Variants in ABCB5 observed in about 807,000 individuals in gnomAD.
ABCB5 encodes ATP binding cassette subfamily B member 5.
In ABCB5, 155 loss-of-function variants were observed where a neutral mutation model predicts 144.2. That is an observed-to-expected ratio of 1.08 (90% CI 0.94 to 1.23). The LOEUF (loss-of-function observed/expected upper bound fraction) is 1.23, where lower values mean the gene tolerates loss of function less well. Ranked by LOEUF, ABCB5 falls within the 50% of genes most tolerant of loss-of-function variation. ABCB5 has a pLI of 0.00. For missense variants in ABCB5, 1,830 were observed against 1,520.8 expected (o/e 1.20, Z -3.38); for synonymous variants, 610 against 528.6 (o/e 1.15, Z -2.11).
chr7:20,755,318 C>G (rs532973152), intron 27 of ABCB5, 109 bp from the exon 28 acceptor site: 1 of 902,810 alleles, frequency 1.1e-6, no homozygotes, highest in East Asian at 2.6e-5. Flanking sequence ...CCTTTGGGGA[C>G]AAGCAAATAA....
intron 13 of ABCB5, among the ~76,000 whole-genome samples, chr7:20,653,376 A>C (rs921986984): frequency 2.6e-5 from 4 of 152,230 alleles, no homozygotes; most frequent in Non-Finnish European, 5.9e-5. Context: ...AGAAGTGGCT[A>C]ATTTAGGTAG....
intron 3 of ABCB5, 37 bp downstream of exon 3, chr7:20,626,648 G>T (rs779604830): frequency 6.4e-7 from 1 of 1,553,488 alleles, no homozygotes; most frequent in Non-Finnish European, 8.8e-7. Flanking sequence ...TGCATTAGAA[G>T]ATTTTAGAGA....
At chr7:20,636,547 G>C (rs943396924) in intron 5 of ABCB5, among the ~76,000 whole-genome samples, 2 of 151,864 alleles carry the variant, frequency 1.3e-5, no homozygotes, top group African/African-American at 4.8e-5. Context: ...CATTTTAGGA[G>C]GCTGAGGCAG....
intron 1 of ABCB5, among the ~76,000 whole-genome samples, chr7:20,619,857 G>A (rs1459114233): frequency 1.3e-5 from 2 of 152,136 alleles, no homozygotes; most frequent in Non-Finnish European, 2.9e-5. Context: ...TTTTATCTAT[G>A]GTGAAATGTA....
chr7:20,695,071 T>C (rs1042449407), intron 16 of ABCB5, among the ~76,000 whole-genome samples: 2 of 151,988 alleles, frequency 1.3e-5, no homozygotes, highest in African/African-American at 4.8e-5. Flanking sequence ...ATAGTCAAAA[T>C]AAATTTTTTT....
chr7:20,720,932 A>G (rs1332168009), intron 20 of ABCB5, among the ~76,000 whole-genome samples: 7 of 136,740 alleles, frequency 5.1e-5, no homozygotes, highest in Non-Finnish European at 9.3e-5. Flanking sequence ...CGACAGAGCG[A>G]AACTCTGCCT....
chr7:20,721,912 AT>A (rs1781880746), intron 20 of ABCB5, among the ~76,000 whole-genome samples: 1 of 152,220 alleles, frequency 6.6e-6, no homozygotes, highest in Non-Finnish European at 1.5e-5. Context: ...TTCTAAAAGA[AT>A]TTATATGCAT....
intron 20 of ABCB5, among the ~76,000 whole-genome samples, chr7:20,722,473 T>C (rs80264192): frequency 0.018 from 2,740 of 152,320 alleles, 95 homozygotes; most frequent in African/African-American, 0.062. Context: ...CATGCTTCTA[T>C]ACAGTCTTCT....
In ABCB5 at chr7:20,643,277, C is replaced by T. The variant is rs374303845; in HGVS notation, c.408C>T (p.Thr136=). 357 of 1,613,832 alleles carry T rather than the reference C, an allele frequency of 2.2e-4. No individual in the cohort carries two copies. The highest frequency in any genetic ancestry group is 2.9e-4 in the Non-Finnish European group (341 of 1,179,836). ...GGATTATAACTGCAGCACGACAGACCAAGAGGATTCGAAAACAGTTTTTTC... is the reference window on the plus strand; with the variant it reads ...GGATTATAACTGCAGCACGACAGACTAAGAGGATTCGAAAACAGTTTTTTC... ...SLWIITAARQ[T]KRIRKQFFHS... is the part of the protein sequence containing the mutation. The change falls in exon 6 of 28, where the codon ACC becomes ACT. Residue 136 remains threonine (T), a synonymous_variant. Transcript: ENST00000404938.
At chr7:20,667,775 A>G (rs1195512735) in intron 14 of ABCB5, among the ~76,000 whole-genome samples, 2 of 136,468 alleles carry the variant, frequency 1.5e-5, no homozygotes, top group African/African-American at 5.4e-5. Flanking sequence ...ATGCCGAGCC[A>G]AACCTGGACT....
chr7:20,663,912 C>T (rs1034942037), intron 14 of ABCB5, among the ~76,000 whole-genome samples: 1 of 151,926 alleles, frequency 6.6e-6, no homozygotes, highest in African/African-American at 2.4e-5. Context: ...AATGGGGTTT[C>T]ACCATGTTGG....
chr7:20,747,482 T>C (rs541946355), intron 26 of ABCB5, among the ~76,000 whole-genome samples: 12 of 152,306 alleles, frequency 7.9e-5, no homozygotes, highest in African/African-American at 2.9e-4. Flanking sequence ...GGACTCAAGC[T>C]CCTGGGCTCA....
intron 14 of ABCB5, among the ~76,000 whole-genome samples, chr7:20,668,616 G>A (rs528116326): frequency 5.2e-4 from 75 of 143,106 alleles, no homozygotes; most frequent in Non-Finnish European, 9.7e-4. Flanking sequence ...CCCCCCGCCC[G>A]GCCAGCCGCC....
At position 20,628,702 on chromosome 7, in the gene ABCB5, T is replaced by C. The variant is rs766824894; in HGVS notation, c.123T>C (p.Asp41=). ...VGSIEIFRFA[D]GLDITLMILG... The stretch of plus-strand genomic sequence containing the variant: ...GTTTTCCTCAGTTCCGCTTTGCTGA[T>C]GGACTGGACATCACACTCATGATCC... The change falls in exon 4 of 28, where the codon GAT becomes GAC. Residue 41 remains aspartate, a synonymous_variant. Coordinates refer to ENST00000404938, the MANE Select transcript of ABCB5 (RefSeq NM_001163941.2). The C allele has an allele frequency of 1.2e-6, 2 of 1,613,174 alleles. No homozygotes were observed. The highest frequency in any genetic ancestry group is 8.5e-7 in the Non-Finnish European group (1 of 1,179,538).
rs574013272 is a variant in ABCB5, at chr7:20,756,399, T to C, written c.*775T>C. On this transcript the variant is annotated 3_prime_UTR_variant, in exon 28 of 28. Transcript: ENST00000404938. ...GGCTCACGCCTGTAATCCCAGAACT[T>C]TGGGAGGCCGAGGAGGGCGGATCAC... 1 of 152,468 alleles carries C rather than the reference T, an allele frequency of 6.6e-6. No individual in the cohort carries two copies. Among genetic ancestry groups the C allele is most frequent in the African/African-American group, 2.4e-5 (1 of 41,554 alleles). The allele number at this position is 152,468 out of a possible 1,614,324, so 9.4% of individuals were successfully genotyped here.
intron 5 of ABCB5, among the ~76,000 whole-genome samples, chr7:20,634,022 T>C (rs1784096186): frequency 1.3e-5 from 2 of 152,098 alleles, no homozygotes; most frequent in African/African-American, 4.8e-5. Context: ...CACCCCCTTT[T>C]ACCCTTTCAG....
At chr7:20,697,343 A>G (rs1388540682) in intron 16 of ABCB5, among the ~76,000 whole-genome samples, 1 of 152,202 alleles carries the variant, frequency 6.6e-6, no homozygotes, top group Non-Finnish European at 1.5e-5. Context: ...TACTTGAAGA[A>G]TTCTCTGGTT....
Position 20,685,850 on chromosome 7 carries a change from G to A in ABCB5, c.2010+14G>A, listed in dbSNP as rs372335731. ...CAATCTAAAGAGGTAATGGCTCAGC[G>A]ATCAACCAGTTTTTCCTGCATGTTT... On this transcript the variant is annotated intron_variant, in intron 16 of 27. Coordinates refer to ENST00000404938, the MANE Select transcript of ABCB5 (RefSeq NM_001163941.2). The A allele has an allele frequency of 1.0e-4, 157 of 1,567,922 alleles. No individual in the cohort carries two copies. The highest frequency in any genetic ancestry group is 1.3e-4 in the Non-Finnish European group (152 of 1,164,056).
chr7:20,642,044 G>A (rs1187334809), intron 5 of ABCB5: 2 of 152,186 alleles, frequency 1.3e-5, no homozygotes, highest in Non-Finnish European at 2.9e-5. Flanking sequence ...AGGGCGATAG[G>A]TTCTTAACAG....
Sources: gnomAD v4.1 joint callset for allele counts (sites outside exome capture counted in the v4.1 genomes callset) on GRCh38, gnomAD v4.1.1 for gene constraint, MANE v1.5 for transcripts, NCBI Gene and HGNC (gene_info 2026-07-23, HGNC 2026-07-21) for gene names.